WDR31: variants seen among roughly 807,000 people sequenced by gnomAD.
WDR31 encodes WD repeat domain 31.
WDR31 carries 30 observed loss-of-function variants against 47.3 expected under a neutral mutation model. The ratio of observed to expected loss-of-function variants is 0.63; its 90% CI spans 0.47 to 0.86. WDR31 has a LOEUF of 0.86. WDR31 is among the 40% of genes least tolerant of loss of function. WDR31 has a pLI of 0.00. For missense variants in WDR31, 406 were observed against 442.9 expected, an observed-to-expected ratio of 0.92 and a Z score of 0.75; for synonymous variants, 137 against 159.4, an observed-to-expected ratio of 0.86 and a Z score of 1.06.
intron 8 of WDR31, among the ~76,000 whole-genome samples, chr9:113,321,175 A>C (rs1007095007): frequency 1.3e-5 from 2 of 152,232 alleles, no homozygotes; most frequent in Non-Finnish European, 2.9e-5. Context: ...CAGGGGTAGC[A>C]AGGAGAGCCA....
intron 1 of WDR31, among the ~76,000 whole-genome samples, chr9:113,338,133 A>G (rs1009057228): frequency 6.6e-5 from 10 of 152,260 alleles, no homozygotes; most frequent in African/African-American, 2.4e-4. Flanking sequence ...GCATGATTGC[A>G]AGATTAACAG....
rs1380683566 is a variant in WDR31 at position 113,340,238 on chromosome 9, C to G, written c.-203G>C. 6.6e-6 allele frequency: 1 copy of G among 152,244 alleles called. No individual in the cohort carries two copies. The highest frequency in any genetic ancestry group is 6.5e-5 in the Admixed American group (1 of 15,284). The allele number at this position is 152,244 out of a possible 1,614,324, so 9.4% of individuals were successfully genotyped here. ...CCACCGGTGGGCTGCGGGGCTGGAGCTGGGGCCGGCGGGAACGCGGAGCCT... is the reference window on the plus strand; with the variant it reads ...CCACCGGTGGGCTGCGGGGCTGGAGGTGGGGCCGGCGGGAACGCGGAGCCT... On this transcript the variant is annotated 5_prime_UTR_variant, in exon 1 of 11. Coordinates refer to ENST00000374193, the MANE Select transcript of WDR31 (RefSeq NM_001012361.4).
At chr9:113,337,809 C>A (rs1833749739) in intron 1 of WDR31, among the ~76,000 whole-genome samples, 1 of 152,206 alleles carries the variant, frequency 6.6e-6, no homozygotes, top group African/African-American at 2.4e-5. Context: ...TAGGGATGCT[C>A]AACCCTTAAG....
intron 5 of WDR31, among the ~76,000 whole-genome samples, chr9:113,323,565 A>C (rs1393329004): frequency 1.3e-5 from 2 of 152,188 alleles, no homozygotes; most frequent in African/African-American, 4.8e-5. Flanking sequence ...CCCGGCCCCC[A>C]CACACACTTC....
intron 1 of WDR31, among the ~76,000 whole-genome samples, chr9:113,339,853 G>T (rs1833793044): frequency 6.6e-6 from 1 of 152,200 alleles, no homozygotes; most frequent in African/African-American, 2.4e-5. Flanking sequence ...CAGTTCTCCT[G>T]CTTCAGCTTC....
intron 8 of WDR31, 128 bp downstream of exon 8, chr9:113,321,383 G>A (rs1833323835): frequency 1.1e-6 from 1 of 894,058 alleles, no homozygotes; most frequent in East Asian, 2.5e-5. Flanking sequence ...CACCAGTGAA[G>A]GGCAGAGGAA....
chr9:113,337,812 C>A (rs961023811), intron 1 of WDR31, among the ~76,000 whole-genome samples: 2 of 152,124 alleles, frequency 1.3e-5, no homozygotes, highest in Admixed American at 6.6e-5. Flanking sequence ...GGATGCTCAA[C>A]CCTTAAGTAT....
At chr9:113,324,029 C>CTT (rs150969879) in intron 5 of WDR31, among the ~76,000 whole-genome samples, 4 of 151,134 alleles carry the variant, frequency 2.6e-5, no homozygotes, top group South Asian at 4.2e-4. Flanking sequence ...CATCGTGTTT[C>CTT]TTTTTTTTTG....
chr9:113,332,708 A>G (rs972527211), intron 2 of WDR31, among the ~76,000 whole-genome samples: 5 of 151,744 alleles, frequency 3.3e-5, no homozygotes, highest in African/African-American at 1.2e-4. Context: ...GTATCTTAAT[A>G]GGCTAGATAT....
chr9:113,335,213 C>T (rs4636275), intron 2 of WDR31, among the ~76,000 whole-genome samples: 25,545 of 152,156 alleles, frequency 0.17, 2,943 homozygotes, highest in African/African-American at 0.33. Context: ...ATTCAGGGAA[C>T]ACCTCCTAAG....
chr9:113,320,554 C>A, intron 8 of WDR31, 56 bp from the exon 9 acceptor site: 2 of 1,574,256 alleles, frequency 1.3e-6, no homozygotes, highest in South Asian at 1.2e-5. Context: ...GAAATACACC[C>A]GTATTGTCCC....
At chr9:113,332,880 C>G (rs953603013) in intron 2 of WDR31, among the ~76,000 whole-genome samples, 2 of 152,136 alleles carry the variant, frequency 1.3e-5, no homozygotes, top group Non-Finnish European at 2.9e-5. Context: ...TTAGTTCCCA[C>G]AAGAACGAAT....
chr9:113,320,218 G>C lies in WDR31; in HGVS notation c.780+139C>G, dbSNP rs532991994. The stretch of plus-strand genomic sequence containing the variant: ...TTAAATGAAGCAACTGGAATGCAAA[G>C]GATCACTCACAGTATGCTTTTGAAA... On this transcript the variant is annotated intron_variant, in intron 9 of 10. Transcript: ENST00000374193. The C allele has an allele frequency of 5.3e-6, 6 of 1,126,504 alleles. No individual in the cohort carries two copies. The East Asian group carries it at 1.0e-4, about 19-fold the overall frequency. 69.8% of individuals were successfully genotyped at this position (1,126,504 alleles called of 1,614,324 possible). A position where few individuals can be genotyped will look rare whatever the true frequency, so the allele number is the denominator to read the frequency against.
intron 5 of WDR31, among the ~76,000 whole-genome samples, chr9:113,327,771 G>C (rs1296429073): frequency 1.3e-5 from 2 of 152,148 alleles, no homozygotes; most frequent in African/African-American, 2.4e-5. Flanking sequence ...GGCCAACATA[G>C]CAAAACCCCA....
intron 1 of WDR31, 67 bp from the exon 2 acceptor site, chr9:113,336,507 C>A (rs1041467492): frequency 2.0e-5 from 3 of 152,106 alleles, no homozygotes; most frequent in Non-Finnish European, 2.9e-5. Flanking sequence ...TGTAGTTTTC[C>A]CTCACAAAGA....
chr9:113,317,275 GTC>G (rs1229925094), intron 10 of WDR31, among the ~76,000 whole-genome samples: 2 of 152,184 alleles, frequency 1.3e-5, no homozygotes, highest in Non-Finnish European at 2.9e-5. Context: ...GCTTCCTGGG[GTC>G]TTGATGCCTT....
At chr9:113,322,299 G>C (rs942383238) in intron 7 of WDR31, among the ~76,000 whole-genome samples, 3 of 152,002 alleles carry the variant, frequency 2.0e-5, no homozygotes, top group African/African-American at 7.3e-5. Context: ...GTAAGTAATA[G>C]ATCCATGATT....
intron 4 of WDR31, among the ~76,000 whole-genome samples, chr9:113,330,138 T>C (rs1235898728): frequency 6.6e-6 from 1 of 152,118 alleles, no homozygotes; most frequent in African/African-American, 2.4e-5. Context: ...TCTTGCTCTG[T>C]CACCCAGGCT....
intron 7 of WDR31, among the ~76,000 whole-genome samples, chr9:113,322,314 C>T (rs546391792): frequency 8.5e-5 from 13 of 152,138 alleles, no homozygotes; most frequent in African/African-American, 2.9e-4. Context: ...ATGATTTTAA[C>T]CTGAGTATAA....
Sources: gnomAD v4.1 joint callset for allele counts (sites outside exome capture counted in the v4.1 genomes callset) on GRCh38, gnomAD v4.1.1 for gene constraint, MANE v1.5 for transcripts, NCBI Gene and HGNC (gene_info 2026-07-23, HGNC 2026-07-21) for gene names.